MAP4K4: variants seen among roughly 807,000 people sequenced by gnomAD.
MAP4K4 encodes HPK/GCK-like kinase HGK.
A neutral mutation model predicts 189.6 loss-of-function variants in MAP4K4; 38 were observed. That is an observed-to-expected ratio of 0.20 (90% CI 0.15 to 0.26). The LOEUF is 0.26. Ranked by LOEUF, MAP4K4 falls within the 10% of genes least tolerant of loss-of-function variation. The pLI is 1.00. For missense variants in MAP4K4, 1,054 were observed against 1,726.9 expected, an observed-to-expected ratio of 0.61 and a Z score of 6.91; for synonymous variants, 610 against 624.3, an observed-to-expected ratio of 0.98 and a Z score of 0.34.
At chr2:101,884,683 AGT>A (rs2098456388) in intron 28 of MAP4K4, among the ~76,000 whole-genome samples, 1 of 152,196 alleles carries the variant, frequency 6.6e-6, no homozygotes, top group African/African-American at 2.4e-5. Flanking sequence ...AAATGGTCTT[AGT>A]GATACTTGGA....
At chr2:101,704,565 A>ATTT (rs1559014076) in intron 2 of MAP4K4, among the ~76,000 whole-genome samples, 517 of 40,346 alleles carry the variant, frequency 0.013, 31 homozygotes, top group East Asian at 0.049. Context: ...ATATATATAT[A>ATTT]TATTTTTTTT....
At chr2:101,777,850 A>C (rs1204349906) in intron 2 of MAP4K4, among the ~76,000 whole-genome samples, 1 of 152,176 alleles carries the variant, frequency 6.6e-6, no homozygotes, top group East Asian at 1.9e-4. Context: ...TGACCGTTTT[A>C]TAGTAAGATG....
intron 2 of MAP4K4, among the ~76,000 whole-genome samples, chr2:101,743,983 T>C (rs1200850120): frequency 6.6e-6 from 1 of 151,996 alleles, no homozygotes; most frequent in African/African-American, 2.4e-5. Context: ...AGAAGAAAAA[T>C]GTGATAAAGG....
chr2:101,809,204 C>T (rs888910784), intron 3 of MAP4K4, among the ~76,000 whole-genome samples: 8 of 152,032 alleles, frequency 5.3e-5, no homozygotes, highest in African/African-American at 1.9e-4. Context: ...GTATATAGCG[C>T]GTATATATGT....
intron 13 of MAP4K4, 60 bp from the exon 14 acceptor site, chr2:101,858,936 A>C: frequency 8.0e-7 from 1 of 1,253,594 alleles, no homozygotes; most frequent in East Asian, 2.4e-5. Context: ...TGCTCCATTC[A>C]GGTGGTTCTG....
intron 9 of MAP4K4, among the ~76,000 whole-genome samples, chr2:101,837,224 G>A (rs1302569222): frequency 1.3e-5 from 2 of 151,464 alleles, no homozygotes; most frequent in African/African-American, 4.9e-5. Context: ...TCTGAGTTTG[G>A]CCTTCAGCTG....
chr2:101,736,758 T>G (rs990120897), intron 2 of MAP4K4, among the ~76,000 whole-genome samples: 1 of 152,182 alleles, frequency 6.6e-6, no homozygotes, highest in Non-Finnish European at 1.5e-5. Flanking sequence ...TGATTCTTCC[T>G]GCCAGAATGT....
At chr2:101,698,171 G>T (rs550374657) in intron 1 of MAP4K4, 34 bp downstream of exon 1, 3 of 959,304 alleles carry the variant, frequency 3.1e-6, no homozygotes, top group Admixed American at 4.0e-5. Context: ...CGCGGGGAGC[G>T]GGCAGCCGGC....
chr2:101,867,815 G>C (rs1428238257), intron 20 of MAP4K4: 1 of 529,818 alleles, frequency 1.9e-6, no homozygotes, highest in East Asian at 3.0e-5. Flanking sequence ...AGTTGTGACT[G>C]CTTCTCACCC....
chr2:101,877,188 T>C, intron 27 of MAP4K4, 42 bp downstream of exon 27: 1 of 1,604,798 alleles, frequency 6.2e-7, no homozygotes, highest in Non-Finnish European at 8.5e-7. Context: ...GACACCATCT[T>C]AACAATATTG....
intron 2 of MAP4K4, 134 bp downstream of exon 2, chr2:101,698,672 C>T (rs1216422446): frequency 1.3e-5 from 10 of 750,240 alleles, no homozygotes; most frequent in Non-Finnish European, 2.1e-5. Context: ...GTTTCTTTCG[C>T]CTTGCAGTCC....
At chr2:101,713,207 C>T (rs1407594859) in intron 2 of MAP4K4, among the ~76,000 whole-genome samples, 1 of 152,096 alleles carries the variant, frequency 6.6e-6, no homozygotes, top group Non-Finnish European at 1.5e-5. Flanking sequence ...TGCGCCTGGC[C>T]TTAAACCAAA....
chr2:101,832,072 G>A (rs1341208631), intron 7 of MAP4K4, among the ~76,000 whole-genome samples: 1 of 152,146 alleles, frequency 6.6e-6, no homozygotes, highest in Non-Finnish European at 1.5e-5. Context: ...GGAATACACT[G>A]GTTTCAAAGC....
chr2:101,867,277 A>G (rs1360083921), exon 20 of MAP4K4: 1 of 1,607,900 alleles, frequency 6.2e-7, no homozygotes. Context: ...ACCTGAAGAT[A>G]AAAAGGAAGT....
intron 4 of MAP4K4, 110 bp downstream of exon 4, chr2:101,824,163 G>T: frequency 9.1e-7 from 1 of 1,099,740 alleles, no homozygotes; most frequent in Non-Finnish European, 1.2e-6. Flanking sequence ...CAATAAAGAG[G>T]GGCAGTAAGT....
Position 101,850,105 on chromosome 2 carries a change from C to A in MAP4K4, c.1233+5794C>A, listed in dbSNP as rs141078186. 6.8e-4 allele frequency among the ~76,000 whole-genome samples: 104 copies of A among 152,254 alleles called. No homozygotes were observed. In the East Asian group the frequency reaches 0.018, roughly 27 times the overall value. On this transcript the variant is annotated intron_variant, in intron 12 of 32. Coordinates refer to ENST00000324219, the Ensembl canonical transcript of MAP4K4. ...TGTGATTTTGGAAAGTCTGCTTCCT[C>A]AACTAAGGGTAAATGTTAGTGTGAG...
intron 3 of MAP4K4, among the ~76,000 whole-genome samples, chr2:101,793,709 T>C (rs2093315456): frequency 6.6e-6 from 1 of 152,080 alleles, no homozygotes; most frequent in Admixed American, 6.6e-5. Context: ...CACTAGTTAT[T>C]CCTCAGGCCC....
intron 3 of MAP4K4, among the ~76,000 whole-genome samples, chr2:101,797,889 G>GGGTTTTTT (rs1553478621): frequency 1.9e-5 from 1 of 52,304 alleles, no homozygotes; most frequent in Admixed American, 3.2e-4. Flanking sequence ...CATTCTTTTA[G>GGGTTTTTT]TTTTTTTTTT....
chr2:101,851,724 C>CTTTTTTTTTTTTTTTTTTTTT (rs36217584), intron 12 of MAP4K4, among the ~76,000 whole-genome samples: 1 of 67,904 alleles, frequency 1.5e-5, no homozygotes, highest in African/African-American at 3.8e-5. Context: ...TAACTGTCCT[C>CTTTTTTTTTTTTTTTTTTTTT]TTTTTTTTTT....
Sources: gnomAD v4.1 joint callset for allele counts (sites outside exome capture counted in the v4.1 genomes callset) on GRCh38, gnomAD v4.1.1 for gene constraint, MANE v1.5 for transcripts, NCBI Gene and HGNC (gene_info 2026-07-23, HGNC 2026-07-21) for gene names.